Variants in LRRTM4 observed in about 807,000 individuals in gnomAD.
The protein encoded by LRRTM4 is leucine rich repeat transmembrane neuronal 4.
In LRRTM4, 25 loss-of-function variants were observed where a neutral mutation model predicts 47.6. The observed-to-expected ratio is 0.53, with a 90% CI of 0.38 to 0.73. The LOEUF (loss-of-function observed/expected upper bound fraction) is 0.73, where lower values mean the gene tolerates loss of function less well. LRRTM4 is among the 30% of genes least tolerant of loss of function. The pLI is 0.00. For synonymous variants in LRRTM4, 311 were observed against 269.5 expected (o/e 1.15, Z -1.51); for missense variants, 638 against 713.4 (o/e 0.89, Z 1.20).
intron 3 of LRRTM4, among the ~76,000 whole-genome samples, chr2:77,030,251 T>A (rs1319101301): frequency 1.3e-5 from 2 of 152,044 alleles, no homozygotes; most frequent in Non-Finnish European, 2.9e-5. Context: ...GCTAACACAG[T>A]GAAACCCTGT....
At chr2:77,097,362 A>G (rs1283402563) in intron 3 of LRRTM4, among the ~76,000 whole-genome samples, 2 of 151,964 alleles carry the variant, frequency 1.3e-5, no homozygotes, top group East Asian at 1.9e-4. Context: ...ATATGTCACT[A>G]TCACAACTTA....
At chr2:77,268,576 C>T (rs1676113252) in intron 3 of LRRTM4, among the ~76,000 whole-genome samples, 2 of 152,090 alleles carry the variant, frequency 1.3e-5, no homozygotes, top group Admixed American at 1.3e-4. Flanking sequence ...ATCAAGTGAT[C>T]TTTTTAAATT....
At chr2:77,324,540 G>A (rs968185484) in intron 3 of LRRTM4, among the ~76,000 whole-genome samples, 2 of 150,846 alleles carry the variant, frequency 1.3e-5, no homozygotes, top group African/African-American at 4.9e-5. Context: ...TTTAGGAGAA[G>A]GACAACAGCA....
chr2:76,793,149 A>G (rs1352097931), intron 3 of LRRTM4, among the ~76,000 whole-genome samples: 1 of 152,172 alleles, frequency 6.6e-6, no homozygotes, highest in Non-Finnish European at 1.5e-5. Context: ...AAGTAGACCC[A>G]GGGGTACCTT....
At chr2:77,430,730 A>AAG (rs1243556861) in intron 3 of LRRTM4, among the ~76,000 whole-genome samples, 7 of 148,176 alleles carry the variant, frequency 4.7e-5, no homozygotes, top group African/African-American at 1.3e-4. Context: ...TCAAAAAAAA[A>AAG]AAAAGAAAAA....
chr2:76,898,179 C>A (rs986395679), intron 3 of LRRTM4, among the ~76,000 whole-genome samples: 1 of 150,274 alleles, frequency 6.7e-6, no homozygotes, highest in Admixed American at 6.8e-5. Flanking sequence ...AAAATACATG[C>A]TCATTATGTA....
chr2:77,112,230 G>A (rs1455088072), intron 3 of LRRTM4, among the ~76,000 whole-genome samples: 1 of 152,148 alleles, frequency 6.6e-6, no homozygotes, highest in Non-Finnish European at 1.5e-5. Context: ...TTTAGTAAAT[G>A]TTAACTTGAG....
At chr2:76,753,153 G>C (rs1672909036) in intron 3 of LRRTM4, among the ~76,000 whole-genome samples, 2 of 152,152 alleles carry the variant, frequency 1.3e-5, no homozygotes, top group Admixed American at 1.3e-4. Flanking sequence ...GGTTGTGAAA[G>C]GGAGGAACCA....
chr2:76,996,575 A>G (rs748549409), intron 3 of LRRTM4, among the ~76,000 whole-genome samples: 40 of 152,086 alleles, frequency 2.6e-4, no homozygotes, highest in Non-Finnish European at 4.7e-4. Context: ...AAAAATGACT[A>G]TAAAGCTGCA....
intron 3 of LRRTM4, among the ~76,000 whole-genome samples, chr2:77,067,906 A>T (rs911593740): frequency 2.5e-4 from 38 of 152,264 alleles, no homozygotes; most frequent in African/African-American, 8.9e-4. Context: ...CCATCAAAAA[A>T]AGGGAAAGTG....
chr2:77,087,774 T>C (rs1473623299), intron 3 of LRRTM4, among the ~76,000 whole-genome samples: 1 of 152,122 alleles, frequency 6.6e-6, no homozygotes, highest in Non-Finnish European at 1.5e-5. Context: ...AGAATGAGAA[T>C]ATATGTAAAA....
At chr2:76,991,484 C>A (rs769126373) in intron 3 of LRRTM4, among the ~76,000 whole-genome samples, 6 of 151,652 alleles carry the variant, frequency 4.0e-5, no homozygotes, top group Non-Finnish European at 7.4e-5. Context: ...ACAAAAGATT[C>A]TCCAACACTG....
intron 3 of LRRTM4, among the ~76,000 whole-genome samples, chr2:77,439,264 T>A (rs1213254129): frequency 6.6e-6 from 1 of 152,198 alleles, no homozygotes; most frequent in Non-Finnish European, 1.5e-5. Flanking sequence ...TCAAATGATT[T>A]ATAATGCTAA....
At chr2:76,856,803 G>A (rs1262797903) in intron 3 of LRRTM4, among the ~76,000 whole-genome samples, 1 of 151,924 alleles carries the variant, frequency 6.6e-6, no homozygotes, top group African/African-American at 2.4e-5. Context: ...AAAGCCTACT[G>A]AAACAAAGAT....
At chr2:76,871,056 T>C (rs2104052453) in intron 3 of LRRTM4, among the ~76,000 whole-genome samples, 1 of 152,306 alleles carries the variant, frequency 6.6e-6, no homozygotes, top group South Asian at 2.1e-4. Context: ...ATGATGTCTA[T>C]TATAAAATCT....
At chr2:76,981,774 G>C (rs944563261) in intron 3 of LRRTM4, among the ~76,000 whole-genome samples, 27 of 152,126 alleles carry the variant, frequency 1.8e-4, no homozygotes, top group African/African-American at 6.3e-4. Context: ...TTACAGGCAG[G>C]AGCCACAGCA....
rs149817699 is a variant in LRRTM4 at position 77,153,563 on chromosome 2, G to A, written c.1551+364755C>T. Among the ~76,000 whole-genome samples the A allele has an allele frequency of 2.6e-3, 394 of 152,120 alleles. 1 individual carries two copies. Among genetic ancestry groups the A allele is most frequent in the Middle Eastern group, 6.8e-3 (2 of 294 alleles). On this transcript the variant is annotated intron_variant, in intron 3 of 3. Coordinates refer to ENST00000409884, the MANE Select transcript of LRRTM4 (RefSeq NM_001134745.3). ...TCTTTTATTATGCCTCAACTTAAAGGGCCACATGCCTTATTTGAAAAGCTG... is the reference window on the plus strand; with the variant it reads ...TCTTTTATTATGCCTCAACTTAAAGAGCCACATGCCTTATTTGAAAAGCTG...
At chr2:76,953,897 T>C (rs774269822) in intron 3 of LRRTM4, among the ~76,000 whole-genome samples, 1 of 151,866 alleles carries the variant, frequency 6.6e-6, no homozygotes, top group Non-Finnish European at 1.5e-5. Context: ...CAGTAGCTTA[T>C]GACAGTATCA....
intron 3 of LRRTM4, among the ~76,000 whole-genome samples, chr2:77,295,892 C>T (rs1234244977): frequency 6.6e-6 from 1 of 152,066 alleles, no homozygotes; most frequent in East Asian, 1.9e-4. Flanking sequence ...TTCTGAGGTG[C>T]AAGGAATTAG....
Sources: allele counts gnomAD v4.1 joint callset (sites outside exome capture counted in the v4.1 genomes callset), GRCh38; gene constraint gnomAD v4.1.1; transcripts MANE v1.5; gene names NCBI Gene and HGNC (gene_info 2026-07-23, HGNC 2026-07-21).